The following DGKB variants were observed in gnomAD, a reference collection of about 807,000 sequenced individuals.
The protein encoded by DGKB is diacylglycerol kinase beta.
DGKB carries 67 observed loss-of-function variants against 114.3 expected under a neutral mutation model. The observed-to-expected ratio is 0.59, with a 90% CI of 0.48 to 0.72. The LOEUF is 0.72. Among genes scored for constraint, DGKB ranks in the 30% least tolerant of loss-of-function variants. The pLI, the probability that DGKB is intolerant of heterozygous loss-of-function variation, is 0.00. For missense variants in DGKB, 907 were observed against 975.2 expected (o/e 0.93, Z 0.93); for synonymous variants, 398 against 323.1 (o/e 1.23, Z -2.49).
intron 1 of DGKB, among the ~76,000 whole-genome samples, chr7:14,925,066 C>G (rs1291390731): frequency 6.6e-6 from 1 of 152,144 alleles, no homozygotes; most frequent in East Asian, 1.9e-4. Flanking sequence ...CACTACAATT[C>G]TCTATAGATT....
chr7:14,629,725 A>C (rs1443416349), intron 14 of DGKB, among the ~76,000 whole-genome samples: 1 of 152,102 alleles, frequency 6.6e-6, no homozygotes, highest in Non-Finnish European at 1.5e-5. Flanking sequence ...ATTTATTCTG[A>C]CTATATTTTA....
At chr7:14,661,768 C>A (rs1480127457) in intron 13 of DGKB, among the ~76,000 whole-genome samples, 2 of 151,644 alleles carry the variant, frequency 1.3e-5, no homozygotes, top group Admixed American at 6.6e-5. Context: ...ATGTTTATTG[C>A]GGCATTATTC....
At chr7:14,787,556 G>A (rs1029064369) in intron 2 of DGKB, among the ~76,000 whole-genome samples, 5 of 152,160 alleles carry the variant, frequency 3.3e-5, no homozygotes, top group East Asian at 3.9e-4. Flanking sequence ...GGTGATAGAC[G>A]TAGAGATGCA....
rs370429592 is a variant in DGKB at position 14,280,861 on chromosome 7, G to C, written c.2122+57654C>G. Among the ~76,000 whole-genome samples the C allele has an allele frequency of 9.5e-3, 1,440 of 150,890 alleles. 39 individuals are homozygous for C. The highest frequency in any genetic ancestry group is 0.09 in the East Asian group (455 of 5,042). ...GCCCTAAAAGAGCTCCTGAAGGAAG[G>C]GCTAAACATGGAAAGGAACAACCAG... On this transcript the variant is annotated intron_variant, in intron 23 of 25. Transcript: ENST00000402815.
At chr7:14,228,846 A>G (rs1020799567) in intron 23 of DGKB, among the ~76,000 whole-genome samples, 1 of 151,386 alleles carries the variant, frequency 6.6e-6, no homozygotes, top group African/African-American at 2.4e-5. Flanking sequence ...ATCACCAAAG[A>G]AGAGTAAAGC....
At chr7:14,778,540 C>T (rs1838570066) in intron 2 of DGKB, among the ~76,000 whole-genome samples, 2 of 152,106 alleles carry the variant, frequency 1.3e-5, no homozygotes. Context: ...TACTCTGTAG[C>T]CCTTGGCAGA....
At chr7:14,212,833 C>A (rs1788346167) in intron 23 of DGKB, among the ~76,000 whole-genome samples, 1 of 152,042 alleles carries the variant, frequency 6.6e-6, no homozygotes, top group Non-Finnish European at 1.5e-5. Flanking sequence ...AGATAATTCA[C>A]CATTTTTGAC....
At chr7:14,815,900 A>G (rs1290225197) in intron 2 of DGKB, among the ~76,000 whole-genome samples, 19 of 152,226 alleles carry the variant, frequency 1.2e-4, no homozygotes, top group Admixed American at 9.2e-4. Flanking sequence ...TGGATAAAAT[A>G]TAACTGCTCA....
At chr7:14,687,550 G>A (rs1171929303) in intron 9 of DGKB, among the ~76,000 whole-genome samples, 1 of 151,922 alleles carries the variant, frequency 6.6e-6, no homozygotes, top group Non-Finnish European at 1.5e-5. Context: ...TTTCAAAACT[G>A]CCTACATTTT....
At chr7:14,361,458 A>T (rs936413536) in intron 21 of DGKB, among the ~76,000 whole-genome samples, 6 of 152,000 alleles carry the variant, frequency 3.9e-5, no homozygotes, top group African/African-American at 1.4e-4. Flanking sequence ...TTTGTCATGG[A>T]TTTACATCTT....
intron 20 of DGKB, among the ~76,000 whole-genome samples, chr7:14,567,643 G>T (rs552042522): frequency 7.2e-6 from 1 of 138,896 alleles, no homozygotes; most frequent in Non-Finnish European, 1.5e-5. Context: ...GTCTCACTCC[G>T]TTGTGCAGGC....
chr7:14,488,865 A>AAACC (rs1784219047), intron 20 of DGKB, among the ~76,000 whole-genome samples: 3 of 31,718 alleles, frequency 9.5e-5, no homozygotes, highest in African/African-American at 2.1e-4. Context: ...AAAAAACCCA[A>AAACC]CAACAACAAC....
chr7:14,943,414 G>A (rs1308694984), intron 1 of DGKB, among the ~76,000 whole-genome samples: 1 of 151,802 alleles, frequency 6.6e-6, no homozygotes, highest in Non-Finnish European at 1.5e-5. Flanking sequence ...ATTACTTCCA[G>A]ACACTTATTG....
intron 23 of DGKB, among the ~76,000 whole-genome samples, chr7:14,315,865 T>C (rs1197170994): frequency 1.3e-5 from 2 of 150,178 alleles, no homozygotes; most frequent in African/African-American, 2.4e-5. Context: ...TATTCCAAAA[T>C]TGACCACATA....
intron 2 of DGKB, among the ~76,000 whole-genome samples, chr7:14,840,054 T>G (rs987015017): frequency 6.6e-6 from 1 of 152,200 alleles, no homozygotes; most frequent in Admixed American, 6.5e-5. Flanking sequence ...TACCATCACA[T>G]CTATCTTCAT....
intron 1 of DGKB, among the ~76,000 whole-genome samples, chr7:14,887,481 T>C (rs1028545704): frequency 6.6e-6 from 1 of 151,788 alleles, no homozygotes; most frequent in Non-Finnish European, 1.5e-5. Context: ...ACTCAGTCCC[T>C]AAGGGGTCTC....
At chr7:14,537,227 A>G (rs1375449904) in intron 20 of DGKB, among the ~76,000 whole-genome samples, 1 of 152,172 alleles carries the variant, frequency 6.6e-6, no homozygotes, top group Non-Finnish European at 1.5e-5. Flanking sequence ...AATATTATTA[A>G]AATATTCATT....
chr7:14,687,729 A>G (rs973215427), intron 9 of DGKB, among the ~76,000 whole-genome samples: 3 of 152,330 alleles, frequency 2.0e-5, no homozygotes, highest in East Asian at 1.9e-4. Context: ...TTTCGTATAT[A>G]TTACTGTTCT....
chr7:14,618,543 T>C (rs1053823966), intron 15 of DGKB, among the ~76,000 whole-genome samples: 1 of 151,652 alleles, frequency 6.6e-6, no homozygotes, highest in East Asian at 1.9e-4. Flanking sequence ...TGTAATTTTA[T>C]ATCTCTTGCA....
Sources: allele counts gnomAD v4.1 joint callset (sites outside exome capture counted in the v4.1 genomes callset), GRCh38; gene constraint gnomAD v4.1.1; transcripts MANE v1.5; gene names NCBI Gene and HGNC (gene_info 2026-07-23, HGNC 2026-07-21).